KCNK5: variants seen among roughly 807,000 people sequenced by gnomAD.
The protein encoded by KCNK5 is potassium channel subfamily K member 5.
Under a neutral mutation model 32.9 loss-of-function variants are expected in KCNK5, and 18 were observed. That is an observed-to-expected ratio of 0.55 (90% CI 0.38 to 0.81). The LOEUF is 0.81. KCNK5 is among the 30% of genes least tolerant of loss of function. The pLI is 0.00. For missense variants in KCNK5, 507 were observed against 651.0 expected (o/e 0.78, Z 2.41); for synonymous variants, 276 against 275.3 (o/e 1.00, Z -0.03).
intron 1 of KCNK5, among the ~76,000 whole-genome samples, chr6:39,214,304 C>A (rs535869509): frequency 6.6e-6 from 1 of 152,328 alleles, no homozygotes; most frequent in East Asian, 1.9e-4. Context: ...AGGCAACCTA[C>A]TGACCTGTCC....
intron 1 of KCNK5, among the ~76,000 whole-genome samples, chr6:39,201,689 C>T (rs1771135839): frequency 6.6e-6 from 1 of 152,204 alleles, no homozygotes; most frequent in African/African-American, 2.4e-5. Flanking sequence ...TCATTCCTCT[C>T]ACCTCCCTTC....
chr6:39,215,715 A>G (rs1365595621), intron 1 of KCNK5, among the ~76,000 whole-genome samples: 1 of 152,224 alleles, frequency 6.6e-6, no homozygotes, highest in Non-Finnish European at 1.5e-5. Context: ...AAATGAGTGG[A>G]TGTGACACAG....
chr6:39,217,202 T>G (rs1583718992), intron 1 of KCNK5, among the ~76,000 whole-genome samples: 1 of 150,212 alleles, frequency 6.7e-6, no homozygotes, highest in African/African-American at 2.4e-5. Flanking sequence ...GCCTCTCCTC[T>G]GTTAGGAGCT....
At chr6:39,203,614 A>G (rs1218522154) in intron 1 of KCNK5, among the ~76,000 whole-genome samples, 1 of 152,124 alleles carries the variant, frequency 6.6e-6, no homozygotes, top group Admixed American at 6.5e-5. Context: ...AGCTTCTCTG[A>G]ACTCTAGTCC....
intron 1 of KCNK5, among the ~76,000 whole-genome samples, chr6:39,196,420 A>T (rs1282962442): frequency 6.6e-6 from 1 of 152,192 alleles, no homozygotes; most frequent in Non-Finnish European, 1.5e-5. Flanking sequence ...CTCTCAAAAA[A>T]AGCACATGTG....
intron 1 of KCNK5, among the ~76,000 whole-genome samples, chr6:39,224,120 G>C (rs576682099): frequency 7.2e-6 from 1 of 138,862 alleles, no homozygotes; most frequent in Non-Finnish European, 1.5e-5. Context: ...CAACTTTTGA[G>C]TGGAACATAA....
At chr6:39,197,156 A>G (rs1771045350) in intron 1 of KCNK5, among the ~76,000 whole-genome samples, 1 of 152,182 alleles carries the variant, frequency 6.6e-6, no homozygotes, top group Non-Finnish European at 1.5e-5. Flanking sequence ...AACCAAGACA[A>G]GGACTGAGAG....
intron 1 of KCNK5, among the ~76,000 whole-genome samples, chr6:39,228,327 G>A (rs898090059): frequency 2.0e-5 from 3 of 152,254 alleles, no homozygotes; most frequent in Admixed American, 6.5e-5. Flanking sequence ...GCCTGAGCGC[G>A]TCCCCAGCAT....
intron 1 of KCNK5, among the ~76,000 whole-genome samples, chr6:39,203,534 C>T (rs1483587775): frequency 2.0e-5 from 3 of 152,200 alleles, no homozygotes; most frequent in Non-Finnish European, 4.4e-5. Context: ...TTCACCACTT[C>T]CCCCCCATCA....
chr6:39,191,031 A>G lies in KCNK5; in HGVS notation c.1359T>C (p.Ala453=). Residue 453 remains alanine, a synonymous_variant, in exon 5 of 5, where the codon GCT becomes GCC. Coordinates refer to ENST00000359534, the MANE Select transcript of KCNK5 (RefSeq NM_003740.4). This position sits in a 1 kb window ranked among gnomAD's most constrained non-coding sequence, Gnocchi z 5.8. ...LAGEESPQQG[A]EAKAPLNMGE... is the part of the protein sequence containing the mutation. ...CCATGTTCAGGGGCGCCTTGGCTTC[A>G]GCCCCCTGCTGGGGGCTCTCCTCCC... The G allele has an allele frequency of 6.2e-7, 1 of 1,605,570 alleles. No homozygotes were observed. Among genetic ancestry groups the G allele is most frequent in the Non-Finnish European group, 8.5e-7 (1 of 1,176,008 alleles).
intron 1 of KCNK5, among the ~76,000 whole-genome samples, chr6:39,199,478 A>G (rs1201309878): frequency 1.3e-5 from 2 of 152,162 alleles, no homozygotes; most frequent in African/African-American, 4.8e-5. Context: ...TGGTTGCCCA[A>G]CAAGGGGCGG....
chr6:39,191,229 G>C lies in KCNK5; in HGVS notation c.1161C>G (p.Ala387=). The C allele has an allele frequency of 6.2e-7, 1 of 1,614,184 alleles. No homozygotes were observed. The highest frequency in any genetic ancestry group is 8.5e-7 in the Non-Finnish European group (1 of 1,180,040). Residue 387 remains alanine, a synonymous_variant, in exon 5 of 5, where the codon GCC becomes GCG. Transcript: ENST00000359534. This position sits in a 1 kb window ranked among gnomAD's most constrained non-coding sequence, Gnocchi z 5.8. ...CCAGCTGGTTCATGAACACCTCGGG[G>C]GCAGGGGAGCTGTCTTCAGGGGCCC... is the stretch of plus-strand genomic sequence containing the variant. ...VARAPEDSSP[A]PEVFMNQLDR... is the part of the protein sequence containing the mutation.
intron 1 of KCNK5, among the ~76,000 whole-genome samples, chr6:39,204,686 G>C (rs189316562): frequency 1.3e-5 from 2 of 152,200 alleles, no homozygotes; most frequent in Admixed American, 1.3e-4. Flanking sequence ...AGTTTCAAAC[G>C]CACTGCCCTA....
intron 4 of KCNK5, among the ~76,000 whole-genome samples, chr6:39,193,789 G>C (rs984087184): frequency 6.6e-6 from 1 of 152,182 alleles, no homozygotes; most frequent in African/African-American, 2.4e-5. Flanking sequence ...TGAGGGCGTG[G>C]AGTGGGTGCT....
intron 1 of KCNK5, among the ~76,000 whole-genome samples, chr6:39,206,557 G>T (rs186014306): frequency 6.6e-6 from 1 of 152,152 alleles, no homozygotes; most frequent in Non-Finnish European, 1.5e-5. Flanking sequence ...TTCCCGGGCC[G>T]CCCAGCTGCC....
chr6:39,189,045 T>C lies in KCNK5; in HGVS notation c.*1845A>G, dbSNP rs1174938165. ...TTTGACATCGTTGCCAGTATGTACA[T>C]ACAGTGTGCGCGATGCCAGGACAAC... On this transcript the variant is annotated 3_prime_UTR_variant, in exon 5 of 5. Coordinates refer to ENST00000359534, the MANE Select transcript of KCNK5 (RefSeq NM_003740.4). 1 of 152,402 alleles carries C rather than the reference T, an allele frequency of 6.6e-6. No homozygotes were observed. The highest frequency in any genetic ancestry group is 2.1e-4 in the South Asian group (1 of 4,830). 9.4% of individuals were successfully genotyped at this position (152,402 alleles called of 1,614,324 possible).
Position 39,194,676 on chromosome 6 carries a change from G to A in KCNK5, c.383C>T (p.Thr128Met), listed in dbSNP as rs749740904. 8 of 1,614,098 alleles carry A rather than the reference G, an allele frequency of 5.0e-6. No individual in the cohort carries two copies. Among genetic ancestry groups the A allele is most frequent in the East Asian group, 2.2e-5 (1 of 44,868 alleles). The change falls in exon 3 of 5, where the codon ACG becomes ATG. Residue 128 changes from threonine (T) to methionine (M), a missense_variant. This residue lies in a region of KCNK5 where 143 missense variants were observed against 219.1 expected (regional missense o/e 0.65). Transcript: ENST00000359534. This position sits in a 1 kb window ranked among gnomAD's most constrained non-coding sequence, Gnocchi z 4.7. ...YGLFGVPLCL[T>M]WISALGKFFG... ...GAACTTGCCCAGGGCACTGATCCAC[G>A]TCAGGCAGAGCGGCACCCCGAAGAG...
At chr6:39,219,789 C>A (rs777093883) in intron 1 of KCNK5, among the ~76,000 whole-genome samples, 13 of 152,218 alleles carry the variant, frequency 8.5e-5, no homozygotes, top group Non-Finnish European at 1.3e-4. Flanking sequence ...GAAATCCACA[C>A]ACTCACTGAG....
intron 1 of KCNK5, among the ~76,000 whole-genome samples, chr6:39,216,418 G>A (rs547194942): frequency 5.9e-5 from 9 of 152,320 alleles, no homozygotes; most frequent in African/African-American, 1.9e-4. Flanking sequence ...CAGCTAACAC[G>A]CGCACGGGGC....
Sources: gnomAD v4.1 joint callset for allele counts (sites outside exome capture counted in the v4.1 genomes callset) on GRCh38, gnomAD v4.1.1 for gene constraint, gnomAD v4.1.1 regional missense constraint, Gnocchi (gnomAD v3.1) non-coding constraint, MANE v1.5 for transcripts, NCBI Gene and HGNC (gene_info 2026-07-23, HGNC 2026-07-21) for gene names.